The following PRELID2 variants were observed in gnomAD, a reference collection of about 807,000 sequenced individuals.
PRELID2 encodes the protein PRELI domain containing 2, also known as PRELI domain-containing protein 2.
Under a neutral mutation model 28.4 loss-of-function variants are expected in PRELID2, and 25 were observed. The observed-to-expected ratio is 0.88, with a 90% CI of 0.64 to 1.23. PRELID2 has a LOEUF of 1.23. PRELID2 is among the 50% of genes most tolerant of loss of function. The pLI, the probability that PRELID2 is intolerant of heterozygous loss-of-function variation, is 0.00. For missense variants in PRELID2, 201 were observed against 214.4 expected (o/e 0.94, Z 0.39); for synonymous variants, 76 against 71.6 (o/e 1.06, Z -0.31).
intron 1 of PRELID2, among the ~76,000 whole-genome samples, chr5:145,554,446 G>A (rs895516422): frequency 6.6e-6 from 1 of 152,192 alleles, no homozygotes; most frequent in African/African-American, 2.4e-5. Flanking sequence ...TTTAAACCCA[G>A]AGAGAAGTTT....
intron 1 of PRELID2, among the ~76,000 whole-genome samples, chr5:145,575,757 C>T (rs1172732845): frequency 6.6e-6 from 1 of 152,130 alleles, no homozygotes; most frequent in Non-Finnish European, 1.5e-5. Context: ...CTCAAGGGAG[C>T]ATGAGGAAGA....
chr5:145,767,337 G>A (rs978109944), intron 5 of PRELID2, among the ~76,000 whole-genome samples: 11 of 151,970 alleles, frequency 7.2e-5, no homozygotes, highest in Non-Finnish European at 1.6e-4. Flanking sequence ...CCCCTTTCCA[G>A]CTCCCCATCC....
intron 4 of PRELID2, among the ~76,000 whole-genome samples, chr5:145,813,308 C>A (rs1368439504): frequency 6.6e-6 from 1 of 152,190 alleles, no homozygotes; most frequent in East Asian, 1.9e-4. Flanking sequence ...GATGCCCCCA[C>A]CCCATCCCAT....
At chr5:145,498,046 A>G (rs1156981131) in intron 1 of PRELID2, among the ~76,000 whole-genome samples, 1 of 152,218 alleles carries the variant, frequency 6.6e-6, no homozygotes, top group Non-Finnish European at 1.5e-5. Context: ...TGTGGGCACC[A>G]CTGATAACTC....
intron 1 of PRELID2, among the ~76,000 whole-genome samples, chr5:145,744,350 A>T (rs1318764307): frequency 6.6e-6 from 1 of 152,200 alleles, no homozygotes; most frequent in Non-Finnish European, 1.5e-5. Context: ...CCACCAAAGG[A>T]CAAAGTGCTT....
chr5:145,387,517 G>A, the PRELID2 span, among the ~76,000 whole-genome samples: 28 of 152,234 alleles, frequency 1.8e-4, no homozygotes, highest in South Asian at 2.7e-3. Context: ...TCCTTATAAA[G>A]AATTTATACT....
At chr5:145,410,424 A>T in the PRELID2 span, among the ~76,000 whole-genome samples, 1 of 152,318 alleles carries the variant, frequency 6.6e-6, no homozygotes, top group East Asian at 1.9e-4. Flanking sequence ...GTATTAGTCC[A>T]TTATCATGCT....
intron 1 of PRELID2, among the ~76,000 whole-genome samples, chr5:145,522,824 G>A (rs1752575052): frequency 6.6e-6 from 1 of 151,184 alleles, no homozygotes; most frequent in Non-Finnish European, 1.5e-5. Context: ...AGGAGGAGTA[G>A]GAGAAGAAGA....
At chr5:145,741,313 T>C (rs1581123947) in intron 1 of PRELID2, among the ~76,000 whole-genome samples, 1 of 80,868 alleles carries the variant, frequency 1.2e-5, no homozygotes, top group African/African-American at 4.8e-5. Context: ...AATAATTTAT[T>C]TATAAATAAA....
chr5:145,746,224 T>C (rs1400659245), intron 1 of PRELID2, among the ~76,000 whole-genome samples: 1 of 151,908 alleles, frequency 6.6e-6, no homozygotes, highest in East Asian at 1.9e-4. Context: ...GATTGGCAAA[T>C]TAGATAAAGA....
the PRELID2 span, among the ~76,000 whole-genome samples, chr5:145,294,745 G>T: frequency 1.3e-5 from 2 of 152,112 alleles, no homozygotes; most frequent in South Asian, 4.1e-4. Flanking sequence ...TTAGGTGATA[G>T]AACCATGAAT....
chr5:145,754,885 G>A (rs1231116513), downstream of PRELID2, among the ~76,000 whole-genome samples: 1 of 152,144 alleles, frequency 6.6e-6, no homozygotes. Flanking sequence ...ATTAGCAGAA[G>A]CAATAACCAA....
chr5:145,388,750 G>T, the PRELID2 span, among the ~76,000 whole-genome samples: 1 of 151,962 alleles, frequency 6.6e-6, no homozygotes, highest in South Asian at 2.1e-4. Context: ...CACGTGGCTG[G>T]CTCCTTCTTG....
chr5:145,585,198 C>T (rs1209705064), intron 1 of PRELID2, among the ~76,000 whole-genome samples: 1 of 152,138 alleles, frequency 6.6e-6, no homozygotes, highest in African/African-American at 2.4e-5. Flanking sequence ...GAAAACCAAA[C>T]ACCACATGTT....
At chr5:145,455,850 C>T in the PRELID2 span, among the ~76,000 whole-genome samples, 87 of 152,278 alleles carry the variant, frequency 5.7e-4, 2 homozygotes, top group African/African-American at 2.0e-3. Context: ...TGTTTTGGCT[C>T]GCCCTCCATG....
chr5:145,365,896 A>G, the PRELID2 span, among the ~76,000 whole-genome samples: 1 of 152,002 alleles, frequency 6.6e-6, no homozygotes, highest in East Asian at 1.9e-4. Context: ...GACATAAAAA[A>G]TAAGACTGAC....
the PRELID2 span, among the ~76,000 whole-genome samples, chr5:145,233,457 G>A: frequency 6.6e-6 from 1 of 152,210 alleles, no homozygotes; most frequent in South Asian, 2.1e-4. Context: ...ATACTGCCAT[G>A]CTGTCATTTC....
chr5:145,673,641 TA>T (rs34241761), intron 1 of PRELID2, among the ~76,000 whole-genome samples: 6 of 151,720 alleles, frequency 4.0e-5, no homozygotes, highest in East Asian at 1.9e-4. Flanking sequence ...AATAAATCTA[TA>T]AAAAAAATTT....
At chr5:145,783,432 T>C (rs1314750564) in intron 5 of PRELID2, among the ~76,000 whole-genome samples, 5 of 152,214 alleles carry the variant, frequency 3.3e-5, no homozygotes, top group African/African-American at 1.2e-4. Context: ...CTAGAGGTAA[T>C]AGTAGTAGCA....
Sources: gnomAD v4.1 joint callset for allele counts (sites outside exome capture counted in the v4.1 genomes callset) on GRCh38, gnomAD v4.1.1 for gene constraint, MANE v1.5 for transcripts, NCBI Gene and HGNC (gene_info 2026-07-23, HGNC 2026-07-21) for gene names.